The following PSG2 variants were observed in gnomAD, a reference collection of about 807,000 sequenced individuals.
PSG2 encodes pregnancy specific beta-1-glycoprotein 2, also known as pregnancy-specific beta-1-glycoprotein 2.
In PSG2, 49 loss-of-function variants were observed where a neutral mutation model predicts 36.2. That is an observed-to-expected ratio of 1.35 (90% confidence interval 1.08 to 1.72). The LOEUF is 1.72. PSG2 is among the 40% of genes most tolerant of loss of function. The pLI, the probability that PSG2 is intolerant of heterozygous loss-of-function variation, is 0.00. For missense variants in PSG2, 605 were observed against 407.2 expected (o/e 1.49, Z -4.18); for synonymous variants, 261 against 155.6 (o/e 1.68, Z -5.04).
Position 43,064,574 on chromosome 19 carries a change from C to G in PSG2, c.*68G>C. ...TTATCAGGAGCTTGTATTCAAGAGTCCTTGTAAGAGACCTTTCCATAAATC... is the reference window on the plus strand; with the variant it reads ...TTATCAGGAGCTTGTATTCAAGAGTGCTTGTAAGAGACCTTTCCATAAATC... On this transcript the variant is annotated 3_prime_UTR_variant, in exon 6 of 6. Transcript: ENST00000406487. 1.5e-6 allele frequency: 1 copy of G among 675,590 alleles called. No individual in the cohort carries two copies. The highest frequency in any genetic ancestry group is 1.8e-5 in the African/African-American group (1 of 55,342). 41.8% of individuals were successfully genotyped at this position (675,590 alleles called of 1,614,324 possible).
intron 3 of PSG2, among the ~76,000 whole-genome samples, chr19:43,074,488 T>C (rs534982303): frequency 1.3e-5 from 2 of 151,878 alleles, no homozygotes; most frequent in African/African-American, 2.4e-5. Context: ...CTTAATTTCC[T>C]TTCAGATTGT....
In PSG2 at chr19:43,071,929, G is replaced by C; in HGVS notation, c.735C>G (p.His245Gln). 6.2e-7 allele frequency: 1 copy of C among 1,612,764 alleles called. No homozygotes were observed. The change falls in exon 4 of 6, where the codon CAC (histidine) becomes CAG (glutamine). Residue 245 changes from histidine (H) to glutamine (Q), a missense_variant. By Grantham distance (24) the His-to-Gln change is conservative. Transcript: ENST00000406487. ...LLHGPDLPRI[H>Q]PSYTNYRSGD... ...CTGAACGGTAATTGGTGTATGAAGG[G>C]TGAATTCTGGGGAGGTCTGGACCAT...
At chr19:43,076,270 A>T (rs1232069235) in intron 2 of PSG2, among the ~76,000 whole-genome samples, 1 of 151,546 alleles carries the variant, frequency 6.6e-6, no homozygotes, top group Non-Finnish European at 1.5e-5. Flanking sequence ...GTGACCTCTA[A>T]AGATAGAGCA....
At chr19:43,069,318 A>C (rs1967784896) in intron 4 of PSG2, among the ~76,000 whole-genome samples, 1 of 151,646 alleles carries the variant, frequency 6.6e-6, no homozygotes, top group African/African-American at 2.4e-5. Context: ...TACAATTCCT[A>C]TCAATCAGAA....
In PSG2 at chr19:43,082,640, G is replaced by A. The variant is rs1967998377; in HGVS notation, c.-71C>T. 6 of 1,583,764 alleles carry A rather than the reference G, an allele frequency of 3.8e-6. No homozygotes were observed. In the South Asian group the frequency reaches 6.7e-5, roughly 18 times the overall value. The stretch of plus-strand genomic sequence containing the variant: ...ATCCAGAAACTTCCTGAGCACGGCT[G>A]TCAGCTGTGCTGTCCTTCCTCCTTC... On this transcript the variant is annotated 5_prime_UTR_variant, in exon 1 of 6. Transcript: ENST00000406487.
intron 4 of PSG2, among the ~76,000 whole-genome samples, chr19:43,067,507 G>A (rs1173650245): frequency 6.6e-6 from 1 of 151,172 alleles, no homozygotes; most frequent in East Asian, 1.9e-4. Flanking sequence ...TATGTGCCAG[G>A]CCCTGTGCTA....
rs1231430398 is a variant in PSG2 at position 43,068,275 on chromosome 19, A to G, written c.965-1675T>C. On this transcript the variant is annotated intron_variant, in intron 4 of 5. Transcript: ENST00000406487. The stretch of plus-strand genomic sequence containing the variant: ...CCTGGGGAGACGCTGTGTGTACAAA[A>G]AAATAAAAAACCAATTAGCTGGGCA... Among the ~76,000 whole-genome samples, 3 of 151,340 alleles carry G rather than the reference A, an allele frequency of 2.0e-5. 1 individual carries two copies. The highest frequency in any genetic ancestry group is 7.3e-5 in the African/African-American group (3 of 40,862).
At chr19:43,078,388 G>T (rs939935948) in intron 2 of PSG2, among the ~76,000 whole-genome samples, 8 of 151,682 alleles carry the variant, frequency 5.3e-5, no homozygotes, top group African/African-American at 1.9e-4. Context: ...AATGTCATTT[G>T]GCTGGAGTTG....
At chr19:43,079,690 T>G (rs1568516336) in intron 2 of PSG2, among the ~76,000 whole-genome samples, 1 of 151,706 alleles carries the variant, frequency 6.6e-6, no homozygotes. Context: ...TCATGTTTTT[T>G]GCACTGATTC....
At position 43,072,036 on chromosome 19, in the gene PSG2, C is replaced by A. The variant is rs116870915; in HGVS notation, c.710-82G>T. ...TGGTCTCTTAAAGGGACACAGTGAC[C>A]CTCTGAGACAAGACACATCCTCAAG... On this transcript the variant is annotated intron_variant, in intron 3 of 5. Coordinates refer to ENST00000406487, the MANE Select transcript of PSG2 (RefSeq NM_031246.4). The A allele has an allele frequency of 5.1e-3, 7,874 of 1,534,172 alleles. 324 individuals carry two copies. The East Asian group carries it at 0.085, about 17-fold the overall frequency.
rs1299247914 is a variant in PSG2, at chr19:43,075,349, C to G, written c.709+5G>C. 1.9e-6 allele frequency: 3 copies of G among 1,613,132 alleles called. No homozygotes were observed. Among genetic ancestry groups the G allele is most frequent in the Non-Finnish European group, 1.7e-6 (2 of 1,179,608 alleles). On this transcript the variant is annotated splice_donor_5th_base_variant and intron_variant, in intron 3 of 5. Coordinates refer to ENST00000406487, the MANE Select transcript of PSG2 (RefSeq NM_031246.4). Reference sequence around the variant, plus strand: ...CTGGCCCACAGAGGAACAGAAGATACTCACGGAGGAGATTCAGGGTGACTG... The same window carrying G: ...CTGGCCCACAGAGGAACAGAAGATAGTCACGGAGGAGATTCAGGGTGACTG...
chr19:43,079,053 A>G (rs540957374), intron 2 of PSG2, among the ~76,000 whole-genome samples: 1 of 151,612 alleles, frequency 6.6e-6, no homozygotes, highest in Admixed American at 6.6e-5. Flanking sequence ...ACAGTGTTAG[A>G]AGGAAGGGAA....
At position 43,072,234 on chromosome 19, in the gene PSG2, G is replaced by C. The variant is rs1023505933; in HGVS notation, c.710-280C>G. 13 of 1,505,346 alleles carry C rather than the reference G, an allele frequency of 8.6e-6. 1 individual carries two copies. Among genetic ancestry groups the C allele is most frequent in the Admixed American group, 5.8e-5 (3 of 51,708 alleles). The allele number at this position is 1,505,346 out of a possible 1,614,324, so 93.2% of individuals were successfully genotyped here. On this transcript the variant is annotated intron_variant, in intron 3 of 5. Transcript: ENST00000406487. ...TTCCCAGGGCAGGGAGTCATGGCCAGCTTGGATGTCCAGAAGTAAAGTTGT... is the reference window on the plus strand; with the variant it reads ...TTCCCAGGGCAGGGAGTCATGGCCACCTTGGATGTCCAGAAGTAAAGTTGT...
At chr19:43,078,046 C>A (rs1455749746) in intron 2 of PSG2, among the ~76,000 whole-genome samples, 1 of 151,638 alleles carries the variant, frequency 6.6e-6, no homozygotes, top group Admixed American at 6.6e-5. Flanking sequence ...TGGGGGACTG[C>A]AGGCCTGTCC....
intron 1 of PSG2, chr19:43,082,122 C>CTCTTTTTTTTTT (rs1967987456): frequency 1.5e-5 from 1 of 67,940 alleles, no homozygotes; most frequent in Non-Finnish European, 2.7e-5. Flanking sequence ...TTTCTTCTCT[C>CTCTTTTTTTTTT]TTTTTTTTTT....
Position 43,066,557 on chromosome 19 carries a change from C to G in PSG2, c.1008G>C (p.Ter336TyrextTer3). ...IGLLPLLNPT[*>Y] ...AAATACAGAAATGACATCACAGCTG[C>G]TATGTTGGATTAAGGAGAGGAAGAA... Residue 336 changes from the stop codon to tyrosine, a stop_lost, in exon 5 of 6, where the codon TAG (stop) becomes TAC (tyrosine). Coordinates refer to ENST00000406487, the MANE Select transcript of PSG2 (RefSeq NM_031246.4). The G allele has an allele frequency of 6.3e-6, 10 of 1,596,402 alleles. No homozygotes were observed. The highest frequency in any genetic ancestry group is 8.6e-6 in the Non-Finnish European group (10 of 1,164,694).
chr19:43,075,235 T>A (rs1291814659), intron 3 of PSG2, 119 bp downstream of exon 3: 1 of 1,598,646 alleles, frequency 6.3e-7, no homozygotes, highest in Non-Finnish European at 8.5e-7. Flanking sequence ...CATGGCCAGC[T>A]TTGATGCCTA....
At position 43,080,989 on chromosome 19, in the gene PSG2, G is replaced by A. The variant is rs1967963628; in HGVS notation, c.322C>T (p.Leu108=). ...RETAYSNASL[L]IQNVTREDAG... ...TCCTCCCGGGTGACATTCTGGATCAGCAGGGATGCATTGGAATATGCTGTT... is the reference window on the plus strand; with the variant it reads ...TCCTCCCGGGTGACATTCTGGATCAACAGGGATGCATTGGAATATGCTGTT... Residue 108 remains leucine (L), a synonymous_variant, in exon 2 of 6, where the codon CTG becomes TTG. Coordinates refer to ENST00000406487, the MANE Select transcript of PSG2 (RefSeq NM_031246.4). The A allele has an allele frequency of 3.1e-6, 5 of 1,613,150 alleles. No individual in the cohort carries two copies. The highest frequency in any genetic ancestry group is 4.2e-6 in the Non-Finnish European group (5 of 1,179,708).
At position 43,081,110 on chromosome 19, in the gene PSG2, C is replaced by T; in HGVS notation, c.201G>A (p.Trp67Ter). 7 of 1,612,744 alleles carry T rather than the reference C, an allele frequency of 4.3e-6. No individual in the cohort carries two copies. Among genetic ancestry groups the T allele is most frequent in the Non-Finnish European group, 5.9e-6 (7 of 1,179,666 alleles). Residue 67 changes from tryptophan to a stop codon, truncating the protein, a stop_gained, in exon 2 of 6, where the codon TGG (tryptophan) becomes TGA (stop). Coordinates refer to ENST00000406487, the MANE Select transcript of PSG2 (RefSeq NM_031246.4). LOFTEE classifies it high-confidence loss of function. ...NLPQNLTGYI[W>*]YKGQIRDLYH... Reference sequence around the variant, plus strand: ...AGAGGTCCCTGATTTGCCCTTTGTACCAGATGTAGCCAGTAAGATTCTGGG... The same window carrying T: ...AGAGGTCCCTGATTTGCCCTTTGTATCAGATGTAGCCAGTAAGATTCTGGG...
Sources: allele counts gnomAD v4.1 joint callset (sites outside exome capture counted in the v4.1 genomes callset), GRCh38; gene constraint gnomAD v4.1.1; transcripts MANE v1.5; gene names NCBI Gene and HGNC (gene_info 2026-07-23, HGNC 2026-07-21).